The following FRRS1 variants were observed in gnomAD, a reference collection of about 807,000 sequenced individuals.
The protein encoded by FRRS1 is ferric chelate reductase 1, also known as ferric reductase 1.
FRRS1 carries 51 observed loss-of-function variants against 70.7 expected under a neutral mutation model. The ratio of observed to expected loss-of-function variants is 0.72; its 90% CI spans 0.58 to 0.91. The LOEUF is 0.91. FRRS1 is among the 40% of genes least tolerant of loss of function. The pLI is 0.00. For missense variants in FRRS1, 672 were observed against 726.0 expected (o/e 0.93, Z 0.86); for synonymous variants, 225 against 238.7 (o/e 0.94, Z 0.53).
intron 7 of FRRS1, among the ~76,000 whole-genome samples, chr1:99,734,112 G>C (rs927592962): frequency 6.6e-6 from 1 of 152,104 alleles, no homozygotes; most frequent in African/African-American, 2.4e-5. Context: ...AAAGAAAAAG[G>C]ATTAAGTAAC....
At chr1:99,763,782 C>T (rs1392482301) in intron 1 of FRRS1, among the ~76,000 whole-genome samples, 2 of 150,820 alleles carry the variant, frequency 1.3e-5, no homozygotes, top group Non-Finnish European at 2.9e-5. Flanking sequence ...GCAGAAGAAT[C>T]GCTTGAACCC....
chr1:99,752,636 C>A (rs1410552168), intron 1 of FRRS1, among the ~76,000 whole-genome samples: 1 of 152,110 alleles, frequency 6.6e-6, no homozygotes, highest in African/African-American at 2.4e-5. Flanking sequence ...TGTGGCCAAG[C>A]GTGGTGGCTC....
intron 7 of FRRS1, among the ~76,000 whole-genome samples, chr1:99,730,197 A>G (rs994845159): frequency 6.6e-6 from 1 of 152,172 alleles, no homozygotes; most frequent in African/African-American, 2.4e-5. Context: ...TATCCTACAT[A>G]TTTTAATGAC....
intron 5 of FRRS1, among the ~76,000 whole-genome samples, chr1:99,741,649 A>G (rs146771814): frequency 1.3e-5 from 2 of 152,340 alleles, no homozygotes; most frequent in East Asian, 3.9e-4. Context: ...TGCAAGTTGT[A>G]ATACTGCAAA....
At chr1:99,748,850 G>A in intron 2 of FRRS1, 47 bp downstream of exon 2, 1 of 965,984 alleles carries the variant, frequency 1.0e-6, no homozygotes, top group East Asian at 2.6e-5. Flanking sequence ...CATAATTCTA[G>A]ATAACTACTT....
chr1:99,742,242 T>G lies in FRRS1; in HGVS notation c.365A>C (p.Lys122Thr), dbSNP rs1656002677. Residue 122 changes from lysine to threonine, a missense_variant, in exon 5 of 17, where the codon AAA becomes ACA. Coordinates refer to ENST00000646001, the MANE Select transcript of FRRS1 (RefSeq NM_001361041.2). ...CCAGTAGACTTTAATTTCTGTTTTTTTAGATGCACTTCTGTGACTCACTGC... is the reference window on the plus strand; with the variant it reads ...CCAGTAGACTTTAATTTCTGTTTTTGTAGATGCACTTCTGTGACTCACTGC... ...GSAVSHRSASKKTEIKVYWNA... is the reference protein window; with the variant it reads ...GSAVSHRSASTKTEIKVYWNA... 6.2e-7 allele frequency: 1 copy of G among 1,611,072 alleles called. No individual in the cohort carries two copies. The highest frequency in any genetic ancestry group is 1.3e-5 in the African/African-American group (1 of 74,876).
rs957111250 is a variant in FRRS1, at chr1:99,706,627, C to T, written c.*2401G>A. ...AAGAATTTTCAGCTGGGCACAGTGG[C>T]TCGTGCCTGTAATCCCAGCACTTTG... On this transcript the variant is annotated 3_prime_UTR_variant, in exon 17 of 17. Transcript: ENST00000646001. 1.3e-5 allele frequency among the ~76,000 whole-genome samples: 2 copies of T among 152,142 alleles called. No individual in the cohort carries two copies. The highest frequency in any genetic ancestry group is 2.9e-5 in the Non-Finnish European group (2 of 68,022).
chr1:99,713,521 C>A (rs1245551935), intron 12 of FRRS1, among the ~76,000 whole-genome samples: 1 of 152,196 alleles, frequency 6.6e-6, no homozygotes, highest in Non-Finnish European at 1.5e-5. Flanking sequence ...CTAGTAATAT[C>A]TGTGACCCAG....
chr1:99,747,855 A>C (rs1656362740), intron 3 of FRRS1: 1 of 153,402 alleles, frequency 6.5e-6, no homozygotes, highest in East Asian at 1.9e-4. Context: ...TTTAAAAAAA[A>C]AATGTTTACT....
intron 1 of FRRS1, among the ~76,000 whole-genome samples, chr1:99,750,782 C>T (rs1656534348): frequency 6.6e-6 from 1 of 151,404 alleles, no homozygotes; most frequent in Non-Finnish European, 1.5e-5. Flanking sequence ...GGGAAGGAAA[C>T]AGAAGAATTA....
chr1:99,762,848 T>G (rs1366516292), intron 1 of FRRS1, among the ~76,000 whole-genome samples: 1 of 152,164 alleles, frequency 6.6e-6, no homozygotes, highest in Non-Finnish European at 1.5e-5. Context: ...AATTCTGCAC[T>G]CTACCTATCC....
intron 3 of FRRS1, chr1:99,747,836 A>T (rs1449533427): frequency 1.3e-5 from 2 of 153,834 alleles, no homozygotes; most frequent in African/African-American, 4.8e-5. Context: ...CCTGAACCCA[A>T]AATAAAAGTT....
chr1:99,728,850 G>GA (rs1213840541), intron 8 of FRRS1, among the ~76,000 whole-genome samples: 4 of 152,104 alleles, frequency 2.6e-5, no homozygotes, highest in South Asian at 4.1e-4. Context: ...TTGGCAAAAA[G>GA]AAAAAATATT....
intron 10 of FRRS1, among the ~76,000 whole-genome samples, chr1:99,718,462 G>A (rs1413295201): frequency 3.3e-5 from 5 of 152,112 alleles, no homozygotes; most frequent in Non-Finnish European, 5.9e-5. Flanking sequence ...CCAAGTAGCT[G>A]GGACTACAGG....
At chr1:99,757,974 C>G (rs534426455) in intron 1 of FRRS1, among the ~76,000 whole-genome samples, 21 of 149,332 alleles carry the variant, frequency 1.4e-4, no homozygotes, top group Non-Finnish European at 2.5e-4. Flanking sequence ...CACAGAATCA[C>G]AAAAACAGTC....
Position 99,704,416 on chromosome 1 carries a change from C to T in FRRS1, c.*4612G>A, listed in dbSNP as rs979073239. 6.6e-6 allele frequency among the ~76,000 whole-genome samples: 1 copy of T among 152,060 alleles called. No individual in the cohort carries two copies. Among genetic ancestry groups the T allele is most frequent in the Non-Finnish European group, 1.5e-5 (1 of 68,010 alleles). On this transcript the variant is annotated 3_prime_UTR_variant, in exon 17 of 17. Coordinates refer to ENST00000646001, the MANE Select transcript of FRRS1 (RefSeq NM_001361041.2). ...ATAAACTAGCTTTTGTAAGTGATAA[C>T]GGGAGGGAAGTGCTGGGAAGGGCGT...
At chr1:99,741,665 A>C (rs943983291) in intron 5 of FRRS1, among the ~76,000 whole-genome samples, 13 of 152,362 alleles carry the variant, frequency 8.5e-5, no homozygotes, top group African/African-American at 3.1e-4. Context: ...GCAAAAGAGT[A>C]AGAGTCATCC....
chr1:99,707,387 G>T lies in FRRS1; in HGVS notation c.*1641C>A, dbSNP rs1359806927. Among the ~76,000 whole-genome samples, 1 of 151,950 alleles carries T rather than the reference G, an allele frequency of 6.6e-6. No homozygotes were observed. On this transcript the variant is annotated 3_prime_UTR_variant, in exon 17 of 17. Transcript: ENST00000646001. ...AACATAATCAGAAAGAATACCTAAAGAAATAAAGTATGACTTCCTAAATTT... is the reference window on the plus strand; with the variant it reads ...AACATAATCAGAAAGAATACCTAAATAAATAAAGTATGACTTCCTAAATTT...
At chr1:99,717,339 A>T in intron 11 of FRRS1, 71 bp downstream of exon 11, 1 of 997,460 alleles carries the variant, frequency 1.0e-6, no homozygotes, top group Non-Finnish European at 1.6e-6. Flanking sequence ...ATACACACAT[A>T]CTTCATATGT....
Sources: gnomAD v4.1 joint callset for allele counts (sites outside exome capture counted in the v4.1 genomes callset) on GRCh38, gnomAD v4.1.1 for gene constraint, MANE v1.5 for transcripts, NCBI Gene and HGNC (gene_info 2026-07-23, HGNC 2026-07-21) for gene names.